STK31: variants seen among roughly 807,000 people sequenced by gnomAD.
The protein encoded by STK31 is serine/threonine kinase 31, also known as serine/threonine-protein kinase 31.
A neutral mutation model predicts 129.7 loss-of-function variants in STK31; 89 were observed. The observed-to-expected ratio is 0.69, with a 90% CI of 0.58 to 0.82. The LOEUF (loss-of-function observed/expected upper bound fraction) is 0.82, where lower values mean the gene tolerates loss of function less well. Among genes scored for constraint, STK31 ranks in the 40% least tolerant of loss-of-function variants. The pLI, the probability that STK31 is intolerant of heterozygous loss-of-function variation, is 0.00. For missense variants in STK31, 1,187 were observed against 1,176.4 expected, an observed-to-expected ratio of 1.01 and a Z score of -0.13; for synonymous variants, 448 against 395.3, an observed-to-expected ratio of 1.13 and a Z score of -1.58.
At chr7:23,816,066 G>A (rs1793452421) in intron 23 of STK31, among the ~76,000 whole-genome samples, 1 of 152,024 alleles carries the variant, frequency 6.6e-6, no homozygotes, top group Non-Finnish European at 1.5e-5. Flanking sequence ...AATGTCCCAC[G>A]AAATCATTTT....
Position 23,772,582 on chromosome 7 carries a change from T to A in STK31, c.1965+304T>A, listed in dbSNP as rs542407592. Among the ~76,000 whole-genome samples, 27 of 152,310 alleles carry A rather than the reference T, an allele frequency of 1.8e-4. 1 individual carries two copies. In the South Asian group the frequency reaches 5.6e-3, roughly 32 times the overall value. On this transcript the variant is annotated intron_variant, in intron 15 of 23. Coordinates refer to ENST00000355870, the MANE Select transcript of STK31 (RefSeq NM_031414.5). ...GCTCTTTTAGTTTGGACTGTTAGAA[T>A]GTTTATTGTAATACCAACTTGCTAC...
At chr7:23,710,374 C>A in intron 1 of STK31, 39 bp downstream of exon 1, 3 of 1,613,292 alleles carry the variant, frequency 1.9e-6, no homozygotes, top group Non-Finnish European at 2.5e-6. Context: ...GTGGTGGCCG[C>A]TTCAAGGACT....
Position 23,780,076 on chromosome 7 carries a change from C to G in STK31, c.1966-1343C>G, listed in dbSNP as rs536059659. ...GATGGCACAGTCCCTCATGGCTTCC[C>G]TTGGCTAGGAGAGCGAGTTCCCCAG... On this transcript the variant is annotated intron_variant, in intron 15 of 23. Transcript: ENST00000355870. Among the ~76,000 whole-genome samples, 14 of 152,236 alleles carry G rather than the reference C, an allele frequency of 9.2e-5. No homozygotes were observed. In the East Asian group the frequency reaches 2.5e-3, roughly 27 times the overall value.
intron 23 of STK31, among the ~76,000 whole-genome samples, chr7:23,828,721 C>T (rs10231356): frequency 0.47 from 70,988 of 151,952 alleles, 16,872 homozygotes; most frequent in Admixed American, 0.53. Flanking sequence ...TGTTCCTATT[C>T]GGCCATCTTG....
At chr7:23,734,765 G>C (rs1787618453) in intron 6 of STK31, among the ~76,000 whole-genome samples, 1 of 152,134 alleles carries the variant, frequency 6.6e-6, no homozygotes, top group Non-Finnish European at 1.5e-5. Context: ...AGGAGTTTGA[G>C]ACCAGCTCAA....
At chr7:23,828,522 C>T (rs866497650) in intron 23 of STK31, among the ~76,000 whole-genome samples, 10 of 152,220 alleles carry the variant, frequency 6.6e-5, no homozygotes, top group African/African-American at 2.4e-4. Context: ...AAAGGGAATT[C>T]CCTGACCCCT....
chr7:23,736,330 G>T (rs969595436), intron 7 of STK31, among the ~76,000 whole-genome samples: 1 of 152,084 alleles, frequency 6.6e-6, no homozygotes, highest in Admixed American at 6.6e-5. Flanking sequence ...GTGAAAACTT[G>T]TGATGGAGTT....
At chr7:23,734,658 A>C (rs184847704) in intron 6 of STK31, among the ~76,000 whole-genome samples, 89 of 152,222 alleles carry the variant, frequency 5.8e-4, no homozygotes, top group African/African-American at 1.8e-3. Flanking sequence ...GCAAAAGTCT[A>C]TTTAAGAGAG....
chr7:23,781,686 C>T (rs1490893491), intron 16 of STK31, among the ~76,000 whole-genome samples, 166 bp downstream of exon 16: 1 of 152,086 alleles, frequency 6.6e-6, no homozygotes, highest in Non-Finnish European at 1.5e-5. Context: ...AAATAAATTT[C>T]ACATGACAAA....
chr7:23,741,269 G>A (rs887435151), intron 8 of STK31, among the ~76,000 whole-genome samples: 27 of 152,114 alleles, frequency 1.8e-4, no homozygotes, highest in African/African-American at 6.5e-4. Flanking sequence ...GTTCTTTTTA[G>A]TGGCAAGAGG....
intron 22 of STK31, among the ~76,000 whole-genome samples, chr7:23,792,486 A>G (rs535432914): frequency 6.6e-6 from 1 of 152,190 alleles, no homozygotes; most frequent in Non-Finnish European, 1.5e-5. Flanking sequence ...AAATGGAGCG[A>G]TACACCATGC....
At chr7:23,795,859 G>GGTGTATTTACCCAAT (rs1562609644) in intron 22 of STK31, among the ~76,000 whole-genome samples, 1 of 152,210 alleles carries the variant, frequency 6.6e-6, no homozygotes, top group Non-Finnish European at 1.5e-5. Context: ...ATTTGGAACA[G>GGTGTATTTACCCAAT]GTGTATTTAC....
rs199656066 is a variant in STK31, at chr7:23,814,148, TA to T, written c.2761-995del. On this transcript the variant is annotated intron_variant, in intron 22 of 23. Coordinates refer to ENST00000355870, the MANE Select transcript of STK31 (RefSeq NM_031414.5). ...TGGGAAACATCAGATCTGGCTCACT[TA>T]TTTTTTTTTTTTTTTCAGTTGGGAG... is the stretch of plus-strand genomic sequence containing the variant. Among the ~76,000 whole-genome samples, 23 of 140,836 alleles carry T rather than the reference TA, an allele frequency of 1.6e-4. 1 individual carries two copies. In the East Asian group the frequency reaches 2.1e-3, roughly 13 times the overall value. 92.4% of individuals were successfully genotyped at this position (140,836 alleles called of 152,430 possible). A position where few individuals can be genotyped will look rare whatever the true frequency, so the allele number is the denominator to read the frequency against.
rs541170231 is a variant in STK31, at chr7:23,776,960, G to A, written c.1966-4459G>A. Among the ~76,000 whole-genome samples, 53 of 152,276 alleles carry A rather than the reference G, an allele frequency of 3.5e-4. 1 individual carries two copies. In the South Asian group the frequency reaches 1.0e-2, roughly 29 times the overall value. On this transcript the variant is annotated intron_variant, in intron 15 of 23. Transcript: ENST00000355870. ...TTCCGCTTTCACCTGTGGGCATTTA[G>A]TGCTATAAATTTCCCTCTAAACACT...
chr7:23,817,186 T>C (rs1793519477), intron 23 of STK31, among the ~76,000 whole-genome samples: 1 of 151,002 alleles, frequency 6.6e-6, no homozygotes. Flanking sequence ...AGACTTTGTC[T>C]CAAAAAAAAA....
intron 22 of STK31, among the ~76,000 whole-genome samples, chr7:23,795,421 C>G: frequency 6.6e-6 from 1 of 152,230 alleles, no homozygotes; most frequent in South Asian, 2.1e-4. Context: ...GATGTCCAGG[C>G]AGAAGTTTTC....
intron 22 of STK31, among the ~76,000 whole-genome samples, chr7:23,795,050 A>C (rs1455095495): frequency 6.6e-6 from 1 of 152,254 alleles, no homozygotes; most frequent in Non-Finnish European, 1.5e-5. Context: ...AATTTGCATA[A>C]GTAACAAGTA....
At chr7:23,805,049 A>T (rs1390285950) in intron 22 of STK31, among the ~76,000 whole-genome samples, 3 of 151,888 alleles carry the variant, frequency 2.0e-5, no homozygotes, top group Non-Finnish European at 4.4e-5. Flanking sequence ...GCCATTTGTG[A>T]GTAAAACATT....
chr7:23,732,862 G>A (rs1787513092), intron 6 of STK31, among the ~76,000 whole-genome samples: 1 of 152,096 alleles, frequency 6.6e-6, no homozygotes, highest in Non-Finnish European at 1.5e-5. Flanking sequence ...ATAGACTTTT[G>A]ATAATAAGAG....
Sources: allele counts gnomAD v4.1 joint callset (sites outside exome capture counted in the v4.1 genomes callset), GRCh38; gene constraint gnomAD v4.1.1; transcripts MANE v1.5; gene names NCBI Gene and HGNC (gene_info 2026-07-23, HGNC 2026-07-21).